EDIL3: variants seen among roughly 807,000 people sequenced by gnomAD.
EDIL3 encodes the protein EGF like and discoidin domains 3, also known as EGF-like repeat and discoidin I-like domain-containing protein 3.
Under a neutral mutation model 67.4 loss-of-function variants are expected in EDIL3, and 37 were observed. The observed-to-expected ratio is 0.55, with a 90% CI of 0.42 to 0.72. The LOEUF (loss-of-function observed/expected upper bound fraction) is 0.72, where lower values mean the gene tolerates loss of function less well. Among genes scored for constraint, EDIL3 ranks in the 30% least tolerant of loss-of-function variants. The pLI, the probability that EDIL3 is intolerant of heterozygous loss-of-function variation, is 0.00. For missense variants in EDIL3, 527 were observed against 586.3 expected (o/e 0.90, Z 1.04); for synonymous variants, 195 against 196.3 (o/e 0.99, Z 0.05).
At chr5:84,132,524 T>C (rs1236581587) in intron 5 of EDIL3, among the ~76,000 whole-genome samples, 102 of 101,678 alleles carry the variant, frequency 1.0e-3, no homozygotes, top group Non-Finnish European at 1.5e-3. Flanking sequence ...TATTTTAATA[T>C]ATATTATATA....
At chr5:84,035,116 A>G (rs940942200) in intron 9 of EDIL3, among the ~76,000 whole-genome samples, 1 of 152,168 alleles carries the variant, frequency 6.6e-6, no homozygotes, top group Non-Finnish European at 1.5e-5. Flanking sequence ...TGAATTCCAC[A>G]TCAGAATTCT....
chr5:84,160,553 T>C (rs1252766659), intron 4 of EDIL3, among the ~76,000 whole-genome samples: 1 of 152,054 alleles, frequency 6.6e-6, no homozygotes, highest in Non-Finnish European at 1.5e-5. Flanking sequence ...ACATTCCCTC[T>C]TCCAGAACAG....
intron 9 of EDIL3, among the ~76,000 whole-genome samples, chr5:84,044,020 CAT>C (rs1746177364): frequency 6.6e-6 from 1 of 152,110 alleles, no homozygotes; most frequent in Non-Finnish European, 1.5e-5. Flanking sequence ...TTAAGCCCCA[CAT>C]GTGTTAGGTA....
chr5:84,175,803 G>A (rs1160771658), intron 4 of EDIL3, among the ~76,000 whole-genome samples: 2 of 152,126 alleles, frequency 1.3e-5, no homozygotes, highest in Admixed American at 1.3e-4. Flanking sequence ...CAAGTTTGGT[G>A]TACTGAAGGA....
At chr5:84,024,926 T>A (rs2112196151) in intron 9 of EDIL3, among the ~76,000 whole-genome samples, 1 of 152,184 alleles carries the variant, frequency 6.6e-6, no homozygotes, top group Middle Eastern at 3.4e-3. Context: ...ACGCTCAACC[T>A]TTAGTATTCA....
chr5:84,184,306 C>A (rs558204924), intron 3 of EDIL3, among the ~76,000 whole-genome samples: 2 of 151,882 alleles, frequency 1.3e-5, no homozygotes, highest in African/African-American at 4.8e-5. Flanking sequence ...AATGGATCTG[C>A]GAAATAAAGG....
At chr5:84,336,216 T>C (rs1370329583) in intron 1 of EDIL3, among the ~76,000 whole-genome samples, 1 of 152,190 alleles carries the variant, frequency 6.6e-6, no homozygotes, top group Non-Finnish European at 1.5e-5. Flanking sequence ...ACAGTGGAAC[T>C]AGCATGTTCA....
intron 4 of EDIL3, among the ~76,000 whole-genome samples, chr5:84,142,275 A>T (rs1748213063): frequency 1.3e-5 from 2 of 152,004 alleles, no homozygotes. Context: ...TTCTTCTCAG[A>T]GAATTATATT....
Position 84,066,446 on chromosome 5 carries a change from C to T in EDIL3, c.807+5G>A. ...TTTAAATTAAGTAGGTTAAATTATTCTTACCATGTCTTCATTGGTGCCTTT... is the reference window on the plus strand; with the variant it reads ...TTTAAATTAAGTAGGTTAAATTATTTTTACCATGTCTTCATTGGTGCCTTT... On this transcript the variant is annotated splice_donor_5th_base_variant and intron_variant, in intron 7 of 10. Transcript: ENST00000296591. 4 of 1,587,196 alleles carry T rather than the reference C, an allele frequency of 2.5e-6. No homozygotes were observed. Among genetic ancestry groups the T allele is most frequent in the Non-Finnish European group, 3.4e-6 (4 of 1,172,570 alleles).
In EDIL3 at chr5:84,305,487, C is replaced by G. The variant is rs184195538; in HGVS notation, c.68-51275G>C. On this transcript the variant is annotated intron_variant, in intron 1 of 10. Coordinates refer to ENST00000296591, the MANE Select transcript of EDIL3 (RefSeq NM_005711.5). Reference sequence around the variant, plus strand: ...TATAGGCTGTAATCCACTAGCTAAACGAAGCAAGTTTTCTCTAAAGCTCTC... The same window carrying G: ...TATAGGCTGTAATCCACTAGCTAAAGGAAGCAAGTTTTCTCTAAAGCTCTC... Among the ~76,000 whole-genome samples the G allele has an allele frequency of 1.3e-4, 20 of 152,326 alleles. No homozygotes were observed. The East Asian group carries it at 3.3e-3, about 25-fold the overall frequency.
rs149194597 is a variant in EDIL3, at chr5:84,160,966, C to G, written c.355+19427G>C. On this transcript the variant is annotated intron_variant, in intron 4 of 10. Transcript: ENST00000296591. ...CCCATCACTGCATGGTGTACAGTACCCATTATGTAGTCTTTTGTCCCTCAC... is the reference window on the plus strand; with the variant it reads ...CCCATCACTGCATGGTGTACAGTACGCATTATGTAGTCTTTTGTCCCTCAC... Among the ~76,000 whole-genome samples, 801 of 151,704 alleles carry G rather than the reference C, an allele frequency of 5.3e-3. 5 individuals carry two copies. Among genetic ancestry groups the G allele is most frequent in the African/African-American group, 0.018 (734 of 41,376 alleles).
chr5:83,999,965 C>T (rs1745300606), intron 9 of EDIL3, among the ~76,000 whole-genome samples: 2 of 150,186 alleles, frequency 1.3e-5, no homozygotes, highest in South Asian at 4.2e-4. Flanking sequence ...GGAAACTTTA[C>T]AGGCCAGAAG....
At chr5:84,074,789 G>A (rs1746819236) in intron 6 of EDIL3, among the ~76,000 whole-genome samples, 1 of 152,104 alleles carries the variant, frequency 6.6e-6, no homozygotes, top group Non-Finnish European at 1.5e-5. Context: ...AAGTCAGTGT[G>A]GCGATTCCTC....
intron 4 of EDIL3, among the ~76,000 whole-genome samples, chr5:84,160,754 C>T (rs866762296): frequency 6.1e-4 from 13 of 21,338 alleles, no homozygotes; most frequent in South Asian, 2.1e-3. Context: ...TCTTTCCTTT[C>T]CTTTCCTTTC....
Position 83,940,812 on chromosome 5 carries a change from G to T in EDIL3, c.*2607C>A, listed in dbSNP as rs1018523621. 4.0e-5 allele frequency: 6 copies of T among 151,892 alleles called. No individual in the cohort carries two copies. Among genetic ancestry groups the T allele is most frequent in the African/African-American group, 1.4e-4 (6 of 41,398 alleles). The allele number at this position is 151,892 out of a possible 1,614,324, so 9.4% of individuals were successfully genotyped here. ...ATTTCATAAGTTGTTGACTAGCAAAGATACAATCATTAGTAACCCAAGTCT... is the reference window on the plus strand; with the variant it reads ...ATTTCATAAGTTGTTGACTAGCAAATATACAATCATTAGTAACCCAAGTCT... On this transcript the variant is annotated 3_prime_UTR_variant, in exon 11 of 11. Coordinates refer to ENST00000296591, the MANE Select transcript of EDIL3 (RefSeq NM_005711.5).
At chr5:84,082,485 A>T (rs946749439) in intron 6 of EDIL3, among the ~76,000 whole-genome samples, 5 of 152,236 alleles carry the variant, frequency 3.3e-5, no homozygotes, top group Non-Finnish European at 4.4e-5. Flanking sequence ...AAAAAAAGAA[A>T]TGAGAGAGCT....
chr5:84,257,938 G>A (rs1244779065), intron 1 of EDIL3, among the ~76,000 whole-genome samples: 4 of 152,222 alleles, frequency 2.6e-5, no homozygotes, highest in Admixed American at 6.5e-5. Context: ...TTAATGCTTG[G>A]CCCATTGTAG....
rs376729869 is a variant in EDIL3 at position 84,192,083 on chromosome 5, GATTA to G, written c.227-11566_227-11563del. 3.3e-3 allele frequency among the ~76,000 whole-genome samples: 501 copies of G among 151,976 alleles called. 1 individual carries two copies. The highest frequency in any genetic ancestry group is 0.011 in the African/African-American group (476 of 41,420). On this transcript the variant is annotated intron_variant, in intron 3 of 10. Transcript: ENST00000296591. The stretch of plus-strand genomic sequence containing the variant: ...CTTTTTCTGCTGTTGTTTTTAAAAA[GATTA>G]ATTGAAGTATTTTATTCTAAGAAAG...
intron 5 of EDIL3, among the ~76,000 whole-genome samples, chr5:84,134,974 A>C (rs986265377): frequency 1.3e-5 from 2 of 152,218 alleles, no homozygotes; most frequent in African/African-American, 4.8e-5. Flanking sequence ...TAAACACAAC[A>C]TGAAAAACTG....
Sources: allele counts gnomAD v4.1 joint callset (sites outside exome capture counted in the v4.1 genomes callset), GRCh38; gene constraint gnomAD v4.1.1; transcripts MANE v1.5; gene names NCBI Gene and HGNC (gene_info 2026-07-23, HGNC 2026-07-21).